CTNND2: variants seen among roughly 807,000 people sequenced by gnomAD.
The protein encoded by CTNND2 is catenin delta 2.
CTNND2 carries 22 observed loss-of-function variants against 144.4 expected under a neutral mutation model. The observed-to-expected ratio is 0.15, with a 90% CI of 0.11 to 0.22. The LOEUF is 0.22. Ranked by LOEUF, CTNND2 falls within the 10% of genes least tolerant of loss-of-function variation. The pLI is 1.00. For missense variants in CTNND2, 1,353 were observed against 1,618.8 expected, an observed-to-expected ratio of 0.84 and a Z score of 2.82; for synonymous variants, 751 against 695.6, an observed-to-expected ratio of 1.08 and a Z score of -1.25.
At chr5:11,794,449 C>T (rs1202617674) in intron 1 of CTNND2, among the ~76,000 whole-genome samples, 5 of 152,158 alleles carry the variant, frequency 3.3e-5, no homozygotes, top group Admixed American at 6.5e-5. Flanking sequence ...GAGATCAGAG[C>T]GGCCTTAGAT....
intron 1 of CTNND2, among the ~76,000 whole-genome samples, chr5:11,849,124 G>A: frequency 6.6e-6 from 1 of 152,106 alleles, no homozygotes; most frequent in East Asian, 1.9e-4. Flanking sequence ...ACATGGCTAG[G>A]GAGGGCTCAC....
intron 3 of CTNND2, among the ~76,000 whole-genome samples, chr5:11,480,148 C>T (rs1240410219): frequency 6.6e-6 from 1 of 152,136 alleles, no homozygotes; most frequent in African/African-American, 2.4e-5. Context: ...TGGGGTTTTA[C>T]ATTTAAGTAT....
intron 1 of CTNND2, among the ~76,000 whole-genome samples, chr5:11,768,302 T>C (rs573414813): frequency 6.6e-6 from 1 of 151,844 alleles, no homozygotes; most frequent in Admixed American, 6.5e-5. Context: ...TGTTTTGTTT[T>C]GTTTTGTGAC....
intron 6 of CTNND2, among the ~76,000 whole-genome samples, chr5:11,387,480 T>C (rs1759210531): frequency 6.6e-6 from 1 of 152,144 alleles, no homozygotes; most frequent in South Asian, 2.1e-4. Context: ...GCTGTTGCTC[T>C]GAGAACTACC....
chr5:10,992,579 A>G lies in CTNND2; in HGVS notation c.3183T>C (p.Pro1061=). The change falls in exon 19 of 22, where the codon CCT becomes CCC. Residue 1061 remains proline, a synonymous_variant. Transcript: ENST00000304623. ...AGCGGTTGTTGGGAGACACGCGCACAGGGGAGATGGAGGGCGTGCGGGAGG... is the reference window on the plus strand; with the variant it reads ...AGCGGTTGTTGGGAGACACGCGCACGGGGGAGATGGAGGGCGTGCGGGAGG... The part of the protein sequence containing the change: ...YSSSRTPSIS[P]VRVSPNNRSA... 6.2e-7 allele frequency: 1 copy of G among 1,613,952 alleles called. No individual in the cohort carries two copies. Among genetic ancestry groups the G allele is most frequent in the Non-Finnish European group, 8.5e-7 (1 of 1,179,974 alleles).
chr5:11,353,062 C>CT (rs35251702), intron 8 of CTNND2, among the ~76,000 whole-genome samples: 1,809 of 125,428 alleles, frequency 0.014, 14 homozygotes, highest in Non-Finnish European at 0.021. Flanking sequence ...GATACACAGT[C>CT]TTTTTTTTTT....
At chr5:11,277,924 C>G (rs1746717059) in intron 9 of CTNND2, among the ~76,000 whole-genome samples, 1 of 152,170 alleles carries the variant, frequency 6.6e-6, no homozygotes, top group African/African-American at 2.4e-5. Context: ...GCTCCGGTCT[C>G]TCTCTCAGAA....
chr5:11,015,654 C>T (rs1741531599), intron 18 of CTNND2, among the ~76,000 whole-genome samples: 1 of 152,192 alleles, frequency 6.6e-6, no homozygotes, highest in Admixed American at 6.5e-5. Context: ...CTAAAAGCTG[C>T]TTCCCTTCAA....
Position 11,904,024 on chromosome 5 carries a change from C to A in CTNND2, c.-171G>T. The A allele has an allele frequency of 1.6e-6, 1 of 627,492 alleles. No homozygotes were observed. Among genetic ancestry groups the A allele is most frequent in the Non-Finnish European group, 2.2e-6 (1 of 455,776 alleles). The allele number at this position is 627,492 out of a possible 1,614,324, so 38.9% of individuals were successfully genotyped here. On this transcript the variant is annotated 5_prime_UTR_variant, in exon 1 of 22. Coordinates refer to ENST00000304623, the MANE Select transcript of CTNND2 (RefSeq NM_001332.4). The surrounding 1 kb of genome is among the most constrained non-coding windows in gnomAD (Gnocchi z 4.2). ...GGGCGGCAGGGGCGAGCGCCGCGGG[C>A]GAGAGGCGGCTCCCGACGCGAGTGC...
At chr5:11,597,343 T>C (rs1176374361) in intron 2 of CTNND2, among the ~76,000 whole-genome samples, 1 of 152,192 alleles carries the variant, frequency 6.6e-6, no homozygotes, top group Non-Finnish European at 1.5e-5. Flanking sequence ...GCTTACAGCT[T>C]TGTAAAGGTC....
At chr5:11,575,507 C>T (rs1777908910) in intron 2 of CTNND2, among the ~76,000 whole-genome samples, 1 of 152,082 alleles carries the variant, frequency 6.6e-6, no homozygotes, top group Admixed American at 6.6e-5. Flanking sequence ...ATTGTACATC[C>T]TTTGTATAAC....
intron 3 of CTNND2, among the ~76,000 whole-genome samples, chr5:11,564,607 G>A (rs1328368630): frequency 2.6e-5 from 4 of 151,252 alleles, no homozygotes; most frequent in Non-Finnish European, 5.9e-5. Context: ...TGGAGCTCTG[G>A]ATCATTTACG....
chr5:11,226,664 C>T (rs1478232106), intron 10 of CTNND2, among the ~76,000 whole-genome samples: 1 of 152,206 alleles, frequency 6.6e-6, no homozygotes, highest in African/African-American at 2.4e-5. Context: ...ACAAGAACAG[C>T]ACAAGAAAGA....
At chr5:11,859,121 A>T (rs1208672556) in intron 1 of CTNND2, among the ~76,000 whole-genome samples, 1 of 152,188 alleles carries the variant, frequency 6.6e-6, no homozygotes, top group East Asian at 1.9e-4. Context: ...ACACACACTG[A>T]ACCACTGCAA....
intron 9 of CTNND2, among the ~76,000 whole-genome samples, chr5:11,269,417 T>C (rs1378939583): frequency 4.6e-5 from 7 of 152,180 alleles, no homozygotes; most frequent in Non-Finnish European, 8.8e-5. Flanking sequence ...CTCTGATTTA[T>C]TGATCTTACC....
chr5:11,617,672 A>C (rs1198358046), intron 2 of CTNND2, among the ~76,000 whole-genome samples: 2 of 152,172 alleles, frequency 1.3e-5, no homozygotes, highest in African/African-American at 4.8e-5. Flanking sequence ...CCAGTTTGCA[A>C]AATGTCTTCA....
intron 7 of CTNND2, among the ~76,000 whole-genome samples, chr5:11,365,845 G>C (rs1378900391): frequency 2.6e-5 from 4 of 152,160 alleles, no homozygotes; most frequent in Non-Finnish European, 5.9e-5. Context: ...CATTTGCGTT[G>C]GGGCAATGAG....
chr5:11,634,470 T>C (rs1201175880), intron 2 of CTNND2, among the ~76,000 whole-genome samples: 1 of 152,164 alleles, frequency 6.6e-6, no homozygotes, highest in East Asian at 1.9e-4. Flanking sequence ...CCGTGCACGA[T>C]TTCTCCAGTT....
chr5:11,319,364 T>C (rs998838877), intron 9 of CTNND2, among the ~76,000 whole-genome samples: 5 of 152,132 alleles, frequency 3.3e-5, no homozygotes, highest in South Asian at 2.1e-4. Flanking sequence ...TGTGTAAAAT[T>C]AGAGAGTTTT....
Sources: gnomAD v4.1 joint callset for allele counts (sites outside exome capture counted in the v4.1 genomes callset) on GRCh38, gnomAD v4.1.1 for gene constraint, Gnocchi (gnomAD v3.1) non-coding constraint, MANE v1.5 for transcripts, NCBI Gene and HGNC (gene_info 2026-07-23, HGNC 2026-07-21) for gene names.